The following LNP1 variants were observed in gnomAD, a reference collection of about 807,000 sequenced individuals.
The protein encoded by LNP1 is leukemia NUP98 fusion partner 1.
Under a neutral mutation model 14.5 loss-of-function variants are expected in LNP1, and 12 were observed. The ratio of observed to expected loss-of-function variants is 0.83; its 90% CI spans 0.53 to 1.34. The LOEUF is 1.34. LNP1 is among the 40% of genes most tolerant of loss of function. The pLI, the probability that LNP1 is intolerant of heterozygous loss-of-function variation, is 0.00. For synonymous variants in LNP1, 75 were observed against 71.4 expected (o/e 1.05, Z -0.26); for missense variants, 198 against 210.9 (o/e 0.94, Z 0.38).
chr3:100,438,759 C>T (rs1039549837), intron 2 of LNP1, among the ~76,000 whole-genome samples: 1 of 152,136 alleles, frequency 6.6e-6, no homozygotes. Context: ...AGTCATTTCC[C>T]TCACAGTCAG....
intron 1 of LNP1, among the ~76,000 whole-genome samples, chr3:100,420,861 T>A (rs899599880): frequency 2.0e-5 from 3 of 152,170 alleles, no homozygotes; most frequent in Admixed American, 1.3e-4. Context: ...GTCTAAGAAC[T>A]CTTGCCTAGC....
chr3:100,411,530 G>A (rs1707031924), intron 1 of LNP1, among the ~76,000 whole-genome samples: 1 of 152,192 alleles, frequency 6.6e-6, no homozygotes, highest in Non-Finnish European at 1.5e-5. Context: ...TACAAGTGTT[G>A]CTGTAACAAA....
intron 1 of LNP1, among the ~76,000 whole-genome samples, chr3:100,420,643 C>T (rs1171633151): frequency 2.6e-5 from 4 of 151,940 alleles, no homozygotes; most frequent in Admixed American, 6.6e-5. Context: ...ATTATGTGTT[C>T]TCTTAATGTT....
At chr3:100,433,319 T>C (rs1707259680) in intron 2 of LNP1, among the ~76,000 whole-genome samples, 1 of 152,204 alleles carries the variant, frequency 6.6e-6, no homozygotes, top group Non-Finnish European at 1.5e-5. Context: ...ACATGTGGTG[T>C]TTGGTTTTCT....
Position 100,455,902 on chromosome 3 carries a change from C to G in LNP1, c.513C>G (p.Pro171=), listed in dbSNP as rs763287928. The change falls in exon 4 of 4, where the codon CCC becomes CCG. Residue 171 remains proline, a synonymous_variant. Coordinates refer to ENST00000383693, the MANE Select transcript of LNP1 (RefSeq NM_001085451.2). ...KEEHGEAHMA[P]LFEKGPE is the part of the protein sequence containing the mutation. ...AGCATGGAGAAGCACACATGGCTCC[C>G]CTGTTTGAAAAAGGGCCTGAATAAT... The G allele has an allele frequency of 1.9e-6, 3 of 1,611,226 alleles. No homozygotes were observed. The African/African-American group carries it at 4.0e-5, about 22-fold the overall frequency.
Position 100,420,073 on chromosome 3 carries a change from AG to A in LNP1, c.-33-9622del, listed in dbSNP as rs905353027. Among the ~76,000 whole-genome samples, 11 of 152,328 alleles carry A rather than the reference AG, an allele frequency of 7.2e-5. 1 individual carries two copies. Among genetic ancestry groups the A allele is most frequent in the African/African-American group, 2.2e-4 (9 of 41,564 alleles). ...CTTTTTAAATTTTACACATTCTGAT[AG>A]GTATGTAGTAATATTGCATTCTGAT... On this transcript the variant is annotated intron_variant, in intron 1 of 3. Coordinates refer to ENST00000383693, the MANE Select transcript of LNP1 (RefSeq NM_001085451.2).
At chr3:100,411,808 ACCTCCCCAAAGTC>A (rs1043844501) in intron 1 of LNP1, among the ~76,000 whole-genome samples, 1 of 151,644 alleles carries the variant, frequency 6.6e-6, no homozygotes, top group African/African-American at 2.4e-5. Flanking sequence ...AACCCAAATT[ACCTCCCCAAAGTC>A]CCATCTCCAA....
intron 2 of LNP1, among the ~76,000 whole-genome samples, chr3:100,438,860 C>G (rs1337105152): frequency 6.6e-6 from 1 of 152,102 alleles, no homozygotes; most frequent in Non-Finnish European, 1.5e-5. Context: ...ATTCACAAAA[C>G]AGGGGATAGA....
At chr3:100,432,938 C>T (rs983353273) in intron 2 of LNP1, among the ~76,000 whole-genome samples, 8 of 152,094 alleles carry the variant, frequency 5.3e-5, no homozygotes, top group East Asian at 1.9e-4. Context: ...TAACTCCAGA[C>T]GGACCTCCAC....
At chr3:100,414,399 T>G (rs1164159303) in intron 1 of LNP1, among the ~76,000 whole-genome samples, 1 of 151,826 alleles carries the variant, frequency 6.6e-6, no homozygotes, top group East Asian at 1.9e-4. Context: ...ATACAAAAAT[T>G]AGCTGGGCAT....
At chr3:100,438,639 G>A (rs938447165) in intron 2 of LNP1, among the ~76,000 whole-genome samples, 1 of 152,148 alleles carries the variant, frequency 6.6e-6, no homozygotes, top group Non-Finnish European at 1.5e-5. Flanking sequence ...AATGACTTGG[G>A]GACAGAGAGT....
intron 2 of LNP1, among the ~76,000 whole-genome samples, chr3:100,444,743 A>T (rs1018431974): frequency 1.3e-5 from 2 of 152,226 alleles, no homozygotes; most frequent in South Asian, 2.1e-4. Flanking sequence ...TTAATTTTCC[A>T]AACAGTAAGC....
intron 2 of LNP1, 142 bp downstream of exon 2, chr3:100,430,027 A>C (rs1707228180): frequency 1.3e-6 from 1 of 776,900 alleles, no homozygotes; most frequent in Admixed American, 3.1e-5. Context: ...TACCCACAGA[A>C]ATCTCTCTTA....
At chr3:100,440,555 G>A (rs1304806695) in intron 2 of LNP1, among the ~76,000 whole-genome samples, 1 of 151,980 alleles carries the variant, frequency 6.6e-6, no homozygotes, top group African/African-American at 2.4e-5. Flanking sequence ...ACCCTGAAAG[G>A]TAAAAATATT....
chr3:100,408,374 C>T (rs1201865222), intron 1 of LNP1, among the ~76,000 whole-genome samples: 2 of 152,192 alleles, frequency 1.3e-5, no homozygotes, highest in East Asian at 3.9e-4. Flanking sequence ...GCTGAAATCC[C>T]GTAGTCACTG....
intron 2 of LNP1, among the ~76,000 whole-genome samples, chr3:100,444,697 A>T (rs1346581561): frequency 6.6e-6 from 1 of 152,206 alleles, no homozygotes; most frequent in Non-Finnish European, 1.5e-5. Context: ...GGATTTTTTT[A>T]AAACGGTGAA....
chr3:100,443,833 A>G (rs984675785), intron 2 of LNP1, among the ~76,000 whole-genome samples: 1 of 152,252 alleles, frequency 6.6e-6, no homozygotes, highest in African/African-American at 2.4e-5. Context: ...TAAGTTAAGA[A>G]TACTCCCAAA....
chr3:100,410,577 A>G (rs1707023149), intron 1 of LNP1, among the ~76,000 whole-genome samples: 1 of 152,160 alleles, frequency 6.6e-6, no homozygotes, highest in Non-Finnish European at 1.5e-5. Flanking sequence ...GGTGAATTGA[A>G]GAAGGAATGG....
At chr3:100,433,827 C>T (rs183902930) in intron 2 of LNP1, among the ~76,000 whole-genome samples, 2,739 of 152,186 alleles carry the variant, frequency 0.018, 49 homozygotes, top group Non-Finnish European at 0.022. Flanking sequence ...TGATGTTGAG[C>T]TTTTTTCATA....
Sources: allele counts gnomAD v4.1 joint callset (sites outside exome capture counted in the v4.1 genomes callset), GRCh38; gene constraint gnomAD v4.1.1; transcripts MANE v1.5; gene names NCBI Gene and HGNC (gene_info 2026-07-23, HGNC 2026-07-21).